Variants in KIAA1217 observed in about 807,000 individuals in gnomAD.
The protein encoded by KIAA1217 is sickle tail protein homolog.
KIAA1217 carries 88 observed loss-of-function variants against 163.9 expected under a neutral mutation model. The observed-to-expected ratio is 0.54, with a 90% confidence interval of 0.45 to 0.64. The LOEUF (loss-of-function observed/expected upper bound fraction) is 0.64, where lower values mean the gene tolerates loss of function less well. KIAA1217 is among the 30% of genes least tolerant of loss of function. The pLI is 0.00. For missense variants in KIAA1217, 2,372 were observed against 2,475.0 expected, an observed-to-expected ratio of 0.96 and a Z score of 0.88; for synonymous variants, 903 against 923.1, an observed-to-expected ratio of 0.98 and a Z score of 0.39.
intron 2 of KIAA1217, among the ~76,000 whole-genome samples, chr10:24,164,434 G>A (rs1205859963): frequency 2.0e-5 from 3 of 152,178 alleles, no homozygotes; most frequent in Non-Finnish European, 4.4e-5. Context: ...CCTGTTTCAA[G>A]AGTTCGCCTC....
At chr10:24,069,770 G>T (rs2131625026) in intron 2 of KIAA1217, among the ~76,000 whole-genome samples, 1 of 152,264 alleles carries the variant, frequency 6.6e-6, no homozygotes, top group South Asian at 2.1e-4. Context: ...AAAGTCCATT[G>T]CTTCCTATAC....
intron 1 of KIAA1217, among the ~76,000 whole-genome samples, chr10:23,912,265 T>C (rs1263267644): frequency 1.3e-5 from 2 of 152,144 alleles, no homozygotes; most frequent in Non-Finnish European, 1.5e-5. Context: ...ATATAGTCCA[T>C]TAAAAGTCTG....
At chr10:23,864,807 T>C (rs1339011190) in intron 1 of KIAA1217, among the ~76,000 whole-genome samples, 15 of 152,066 alleles carry the variant, frequency 9.9e-5, no homozygotes, top group Admixed American at 6.6e-5. Flanking sequence ...CAAATCCAAA[T>C]TGTGCAGAGT....
intron 3 of KIAA1217, among the ~76,000 whole-genome samples, chr10:24,397,106 C>CTG (rs1200787890): frequency 6.5e-5 from 9 of 138,212 alleles, no homozygotes; most frequent in African/African-American, 2.5e-4. Flanking sequence ...ATGTAAGAAA[C>CTG]TCTTTTTTTT....
In KIAA1217 at chr10:24,524,566, C is replaced by T. The variant is rs561903766; in HGVS notation, c.2700C>T (p.Ser900=). 1.2e-4 allele frequency: 191 copies of T among 1,614,070 alleles called. No individual in the cohort carries two copies. Among genetic ancestry groups the T allele is most frequent in the Non-Finnish European group, 1.5e-4 (178 of 1,180,026 alleles). ...SPVVIQPSQH[S]VALLNPAQNL... ...TGGTCATCCAGCCCTCCCAGCACTC[C>T]GTGGCCCTGCTGAACCCTGCTCAGA... The change falls in exon 13 of 21, where the codon TCC becomes TCT. Residue 900 remains serine (S), a synonymous_variant. Transcript: ENST00000376454.
chr10:23,745,013 C>G (rs1253949678), intron 1 of KIAA1217, among the ~76,000 whole-genome samples: 1 of 152,150 alleles, frequency 6.6e-6, no homozygotes, highest in East Asian at 1.9e-4. Flanking sequence ...CAAAAAAAAT[C>G]CTTCACAGAA....
At chr10:23,968,837 T>C (rs761397372) in intron 1 of KIAA1217, among the ~76,000 whole-genome samples, 3 of 152,210 alleles carry the variant, frequency 2.0e-5, no homozygotes, top group South Asian at 2.1e-4. Context: ...CAATATTTCA[T>C]TGGTAAAGAT....
intron 1 of KIAA1217, among the ~76,000 whole-genome samples, chr10:23,825,157 A>G (rs1837840005): frequency 6.6e-6 from 1 of 152,124 alleles, no homozygotes; most frequent in Non-Finnish European, 1.5e-5. Context: ...TGCAAACCCT[A>G]TTAGTGGTAT....
chr10:23,864,020 T>TA (rs1321568132), intron 1 of KIAA1217, among the ~76,000 whole-genome samples: 2 of 152,130 alleles, frequency 1.3e-5, no homozygotes, highest in Non-Finnish European at 2.9e-5. Flanking sequence ...TACAGTATAT[T>TA]AAATGCTTTC....
intron 2 of KIAA1217, among the ~76,000 whole-genome samples, chr10:24,340,934 C>T (rs569908881): frequency 7.9e-5 from 12 of 152,208 alleles, no homozygotes; most frequent in African/African-American, 2.9e-4. Context: ...TGTGTGAGCA[C>T]GTGCACGCTT....
At chr10:23,751,564 T>C (rs1487075943) in intron 1 of KIAA1217, among the ~76,000 whole-genome samples, 1 of 152,092 alleles carries the variant, frequency 6.6e-6, no homozygotes, top group African/African-American at 2.4e-5. Context: ...TCTCCAACTC[T>C]TCCCTAGTCC....
intron 2 of KIAA1217, among the ~76,000 whole-genome samples, chr10:24,200,868 G>A (rs891662661): frequency 6.6e-6 from 1 of 152,118 alleles, no homozygotes; most frequent in African/African-American, 2.4e-5. Context: ...ATCAGGTCCT[G>A]TAGTCCATTT....
At chr10:24,525,872 C>A (rs535435471) in intron 13 of KIAA1217, among the ~76,000 whole-genome samples, 1 of 152,112 alleles carries the variant, frequency 6.6e-6, no homozygotes, top group East Asian at 1.9e-4. Context: ...TGCCTGTAGC[C>A]CCAGCTACTC....
In KIAA1217 at chr10:24,543,014, T is replaced by C; in HGVS notation, c.3744T>C (p.Asn1248=). Residue 1248 remains asparagine (N), a synonymous_variant, in exon 19 of 21, where the codon AAT becomes AAC. Coordinates refer to ENST00000376454, the MANE Select transcript of KIAA1217 (RefSeq NM_019590.5). ...EIIMKENSIS[N]MSLLRDSRNY... is the part of the protein sequence containing the mutation. ...TAATGAAGGAAAATTCCATATCCAATATGAGTTTACTCAGAGACAGTAGAA... is the reference window on the plus strand; with the variant it reads ...TAATGAAGGAAAATTCCATATCCAACATGAGTTTACTCAGAGACAGTAGAA... 6.2e-7 allele frequency: 1 copy of C among 1,613,882 alleles called. No individual in the cohort carries two copies. The highest frequency in any genetic ancestry group is 8.5e-7 in the Non-Finnish European group (1 of 1,179,930).
chr10:24,520,894 T>G (rs2071133814), intron 11 of KIAA1217, among the ~76,000 whole-genome samples: 1 of 148,484 alleles, frequency 6.7e-6, no homozygotes, highest in African/African-American at 2.5e-5. Context: ...AAAATTAAAT[T>G]AAATTAAAAA....
intron 6 of KIAA1217, among the ~76,000 whole-genome samples, chr10:24,476,912 C>A (rs142170025): frequency 1.3e-5 from 2 of 152,030 alleles, no homozygotes; most frequent in African/African-American, 4.8e-5. Context: ...CCTACACATT[C>A]TCTCTACATT....
At chr10:24,527,005 C>T (rs1046489827) in intron 13 of KIAA1217, among the ~76,000 whole-genome samples, 1 of 152,104 alleles carries the variant, frequency 6.6e-6, no homozygotes, top group Non-Finnish European at 1.5e-5. Flanking sequence ...TGTGAATTTC[C>T]ACTCTGCCCC....
chr10:24,035,775 A>G (rs934260222), intron 2 of KIAA1217, among the ~76,000 whole-genome samples: 5 of 152,250 alleles, frequency 3.3e-5, no homozygotes, highest in Admixed American at 2.6e-4. Flanking sequence ...AGAAAGAACT[A>G]GTAAACATGG....
rs2059729022 is a variant in KIAA1217, at chr10:24,433,071, C to T, written c.630C>T (p.Ile210=). ...ATGAAATCACAAGTGCAGACACAAT[C>T]CGTGCTCTCTTCGTAAGTGCCTTTC... ...MPNEITSADT[I]RALFVSAFPQ... The change falls in exon 4 of 21, where the codon ATC becomes ATT. Residue 210 remains isoleucine, a synonymous_variant. Coordinates refer to ENST00000376454, the MANE Select transcript of KIAA1217 (RefSeq NM_019590.5). 1 of 1,614,078 alleles carries T rather than the reference C, an allele frequency of 6.2e-7. No homozygotes were observed.
Sources: allele counts gnomAD v4.1 joint callset (sites outside exome capture counted in the v4.1 genomes callset), GRCh38; gene constraint gnomAD v4.1.1; transcripts MANE v1.5; gene names NCBI Gene and HGNC (gene_info 2026-07-23, HGNC 2026-07-21).